Variants in DEPDC1B observed in about 807,000 individuals in gnomAD.
DEPDC1B encodes DEP domain-containing protein 1B.
A neutral mutation model predicts 66.5 loss-of-function variants in DEPDC1B; 51 were observed. The observed-to-expected ratio is 0.77, with a 90% CI of 0.61 to 0.97. The LOEUF (loss-of-function observed/expected upper bound fraction) is 0.97, where lower values mean the gene tolerates loss of function less well. Ranked by LOEUF, DEPDC1B falls within the 50% of genes least tolerant of loss-of-function variation. The pLI is 0.00. For synonymous variants in DEPDC1B, 226 were observed against 223.6 expected (o/e 1.01, Z -0.10); for missense variants, 552 against 637.1 (o/e 0.87, Z 1.44).
At chr5:60,677,387 G>C (rs1255824230) in intron 2 of DEPDC1B, among the ~76,000 whole-genome samples, 1 of 148,924 alleles carries the variant, frequency 6.7e-6, no homozygotes, top group Non-Finnish European at 1.5e-5. Context: ...AAGTCAGGCA[G>C]ATAAAGAATC....
At chr5:60,621,866 C>T (rs1224894179) in intron 7 of DEPDC1B, among the ~76,000 whole-genome samples, 1 of 152,000 alleles carries the variant, frequency 6.6e-6, no homozygotes, top group African/African-American at 2.4e-5. Flanking sequence ...GTTTTCTGAA[C>T]GTTTTTGGTG....
chr5:60,671,982 G>T (rs980594254), intron 2 of DEPDC1B, among the ~76,000 whole-genome samples: 2 of 152,154 alleles, frequency 1.3e-5, no homozygotes, highest in Non-Finnish European at 2.9e-5. Context: ...AGTCTTACTG[G>T]TGGAACACAG....
At chr5:60,670,175 G>C (rs1331068198) in intron 2 of DEPDC1B, among the ~76,000 whole-genome samples, 1 of 152,164 alleles carries the variant, frequency 6.6e-6, no homozygotes, top group Non-Finnish European at 1.5e-5. Context: ...GCGAGGTCAG[G>C]AGATCAAGAC....
intron 7 of DEPDC1B, among the ~76,000 whole-genome samples, chr5:60,611,729 T>A (rs951336080): frequency 9.2e-5 from 14 of 152,124 alleles, no homozygotes; most frequent in African/African-American, 3.1e-4. Flanking sequence ...TTCAATTCTA[T>A]AAAGGCTGAG....
intron 2 of DEPDC1B, among the ~76,000 whole-genome samples, chr5:60,650,637 T>C (rs1753427400): frequency 6.6e-6 from 1 of 152,206 alleles, no homozygotes; most frequent in African/African-American, 2.4e-5. Flanking sequence ...TGATTTATGA[T>C]AGAGCAGACA....
At chr5:60,677,320 A>ACTCTCTCT (rs1210073972) in intron 2 of DEPDC1B, among the ~76,000 whole-genome samples, 9 of 107,776 alleles carry the variant, frequency 8.4e-5, no homozygotes, top group African/African-American at 4.8e-4. Flanking sequence ...ACACACACAC[A>ACTCTCTCT]CACACACTCT....
At chr5:60,650,453 G>A (rs1013390111) in intron 2 of DEPDC1B, among the ~76,000 whole-genome samples, 10 of 152,222 alleles carry the variant, frequency 6.6e-5, no homozygotes, top group South Asian at 2.1e-4. Context: ...AAGCATCCCT[G>A]GCCTCTACTC....
chr5:60,664,506 A>T (rs1010715968), intron 2 of DEPDC1B, among the ~76,000 whole-genome samples: 45 of 152,164 alleles, frequency 3.0e-4, no homozygotes, highest in African/African-American at 1.0e-3. Flanking sequence ...GCAACTCTTA[A>T]CCCAGCCACA....
rs1300621978 is a variant in DEPDC1B at position 60,647,403 on chromosome 5, C to T, written c.445G>A (p.Val149Met). 1.9e-6 allele frequency: 3 copies of T among 1,604,820 alleles called. No individual in the cohort carries two copies. Among genetic ancestry groups the T allele is most frequent in the Non-Finnish European group, 2.5e-6 (3 of 1,176,990 alleles). Residue 149 changes from valine (V) to methionine (M), a missense_variant, in exon 3 of 11, where the codon GTG becomes ATG. Transcript: ENST00000265036. Reference protein sequence around the residue: ...SQENIPVRPVVMNSEMWYKRH... With the variant: ...SQENIPVRPVMMNSEMWYKRH... Reference sequence around the variant, plus strand: ...CTTTCAGTCATGGCACTTACCATCACAACTGGCCTCACTGGGATGTTCTCT... The same window carrying T: ...CTTTCAGTCATGGCACTTACCATCATAACTGGCCTCACTGGGATGTTCTCT...
chr5:60,673,162 T>C (rs1754080317), intron 2 of DEPDC1B, among the ~76,000 whole-genome samples: 1 of 152,148 alleles, frequency 6.6e-6, no homozygotes, highest in Non-Finnish European at 1.5e-5. Context: ...ACACACCTGT[T>C]GATGCATCAA....
At chr5:60,607,804 G>A (rs932370712) in intron 7 of DEPDC1B, among the ~76,000 whole-genome samples, 1 of 152,190 alleles carries the variant, frequency 6.6e-6, no homozygotes, top group Non-Finnish European at 1.5e-5. Context: ...AAGGTGGAGG[G>A]AATGGCAATT....
In DEPDC1B at chr5:60,649,432, T is replaced by C. The variant is rs141168490; in HGVS notation, c.315-1899A>G. ...TGTCAGTAATATCTGCAGTTACCAA[T>C]AGAAGGTGTGCTATCTATTTTCACA... On this transcript the variant is annotated intron_variant, in intron 2 of 10. Transcript: ENST00000265036. 4.2e-3 allele frequency among the ~76,000 whole-genome samples: 646 copies of C among 152,308 alleles called. 9 individuals are homozygous for C. In the South Asian group the frequency reaches 0.045, roughly 11 times the overall value.
chr5:60,694,972 T>C (rs1754622702), intron 1 of DEPDC1B, among the ~76,000 whole-genome samples: 1 of 152,214 alleles, frequency 6.6e-6, no homozygotes, highest in Non-Finnish European at 1.5e-5. Flanking sequence ...AGGAAATAAT[T>C]ATCTATTTTC....
intron 2 of DEPDC1B, among the ~76,000 whole-genome samples, chr5:60,663,480 T>C (rs1753768010): frequency 6.6e-6 from 1 of 152,198 alleles, no homozygotes; most frequent in Non-Finnish European, 1.5e-5. Flanking sequence ...ATACTATGCT[T>C]TCCCAAATAC....
chr5:60,676,855 A>T (rs1754173582), intron 2 of DEPDC1B, among the ~76,000 whole-genome samples: 2 of 152,200 alleles, frequency 1.3e-5, no homozygotes, highest in Admixed American at 1.3e-4. Context: ...CAGATAACAT[A>T]ATCATGATAC....
intron 7 of DEPDC1B, among the ~76,000 whole-genome samples, chr5:60,614,966 G>C (rs779072450): frequency 6.6e-6 from 1 of 152,172 alleles, no homozygotes; most frequent in Non-Finnish European, 1.5e-5. Flanking sequence ...ACTACAGCCT[G>C]GGTGACAGAG....
intron 8 of DEPDC1B, 48 bp downstream of exon 8, chr5:60,605,642 T>C: frequency 6.3e-7 from 1 of 1,589,258 alleles, no homozygotes; most frequent in African/African-American, 1.3e-5. Context: ...CCTTACTCAG[T>C]CGACTTTCAT....
chr5:60,599,196 C>A lies in DEPDC1B; in HGVS notation c.1307G>T (p.Ser436Ile). The A allele has an allele frequency of 1.2e-6, 2 of 1,612,606 alleles. No individual in the cohort carries two copies. Among genetic ancestry groups the A allele is most frequent in the Non-Finnish European group, 1.7e-6 (2 of 1,179,492 alleles). Reference protein sequence around the residue: ...LSAPSFCRQISPEEFEYQRSY... With the variant: ...LSAPSFCRQIIPEEFEYQRSY... ...TCTTTGATATTCAAATTCCTCTGGACTAATTTGACGGCAAAATGATGGAGC... is the reference window on the plus strand; with the variant it reads ...TCTTTGATATTCAAATTCCTCTGGAATAATTTGACGGCAAAATGATGGAGC... The change falls in exon 10 of 11, where the codon AGT (serine) becomes ATT (isoleucine). Residue 436 changes from serine (S) to isoleucine (I), a missense_variant. Coordinates refer to ENST00000265036, the MANE Select transcript of DEPDC1B (RefSeq NM_018369.3).
intron 2 of DEPDC1B, among the ~76,000 whole-genome samples, chr5:60,652,550 T>A (rs1366140872): frequency 6.7e-6 from 1 of 149,050 alleles, no homozygotes; most frequent in African/African-American, 2.5e-5. Flanking sequence ...CAACCCCCTA[T>A]CCCATCATGG....
Sources: allele counts gnomAD v4.1 joint callset (sites outside exome capture counted in the v4.1 genomes callset), GRCh38; gene constraint gnomAD v4.1.1; transcripts MANE v1.5; gene names NCBI Gene and HGNC (gene_info 2026-07-23, HGNC 2026-07-21).